TPTE: variants seen among roughly 807,000 people sequenced by gnomAD.
TPTE encodes putative tyrosine-protein phosphatase TPTE.
TPTE carries 59 observed loss-of-function variants against 84.1 expected under a neutral mutation model. The ratio of observed to expected loss-of-function variants is 0.70; its 90% CI spans 0.57 to 0.87. The LOEUF (loss-of-function observed/expected upper bound fraction) is 0.87, where lower values mean the gene tolerates loss of function less well. Among genes scored for constraint, TPTE ranks in the 40% least tolerant of loss-of-function variants. The probability of loss-of-function intolerance (pLI) is 0.00; values close to 1 mark genes in which losing one functional copy is unlikely to be tolerated. For missense variants in TPTE, 382 were observed against 659.6 expected, an observed-to-expected ratio of 0.58 and a Z score of 4.61; for synonymous variants, 130 against 223.5, an observed-to-expected ratio of 0.58 and a Z score of 3.73.
At chr21:10,586,691 T>A (rs2075372603) in intron 17 of TPTE, among the ~76,000 whole-genome samples, 1 of 152,304 alleles carries the variant, frequency 6.6e-6, no homozygotes, top group Non-Finnish European at 1.5e-5. Context: ...TTTTTCTATG[T>A]TTTTAGTAAT....
rs144623440 is a variant in TPTE, at chr21:10,605,547, G to A, written c.1651G>A (p.Asp551Asn). ...TTCCAGTGATGTTGTAGCTGGATCC[G>A]ATTAAGTATAGCTCCCCCTTCCCCT... Reference protein sequence around the residue: ...MTSSDVVAGSD With the variant: ...MTSSDVVAGSN Residue 551 changes from aspartate to asparagine, a missense_variant, in exon 24 of 24, where the codon GAT becomes AAT. Coordinates refer to ENST00000618007, the MANE Select transcript of TPTE (RefSeq NM_199261.4). 1,729 of 1,608,650 alleles carry A rather than the reference G, an allele frequency of 1.1e-3. No individual in the cohort carries two copies. The East Asian group carries it at 0.011, about 10-fold the overall frequency.
rs372849709 is a variant in TPTE at position 10,574,326 on chromosome 21, A to T, written c.796-3134A>T. Reference sequence around the variant, plus strand: ...CTGCAGTGTGTTAGCTCAGTTCTGAACAGGACAGGGCTGCAAGTTCAGCTA... The same window carrying T: ...CTGCAGTGTGTTAGCTCAGTTCTGATCAGGACAGGGCTGCAAGTTCAGCTA... On this transcript the variant is annotated intron_variant, in intron 14 of 23. Transcript: ENST00000618007. Among the ~76,000 whole-genome samples the T allele has an allele frequency of 1.2e-3, 189 of 151,910 alleles. No homozygotes were observed. The East Asian group carries it at 0.017, about 13-fold the overall frequency.
chr21:10,584,879 A>AGTGTGT (rs56198162), intron 17 of TPTE, among the ~76,000 whole-genome samples: 8,811 of 144,510 alleles, frequency 0.061, no homozygotes, highest in African/African-American at 0.088. Context: ...ATGCTTTACG[A>AGTGTGT]GTGTGTGTGT....
chr21:10,534,608 A>G (rs1015181894), intron 3 of TPTE, among the ~76,000 whole-genome samples: 4 of 152,310 alleles, frequency 2.6e-5, no homozygotes, highest in Non-Finnish European at 5.9e-5. Context: ...CTAAACCATG[A>G]TGGAGTCCTC....
intron 2 of TPTE, among the ~76,000 whole-genome samples, chr21:10,525,332 G>T (rs1331374798): frequency 6.6e-6 from 1 of 152,308 alleles, no homozygotes; most frequent in Non-Finnish European, 1.5e-5. Context: ...GTGTATGAGG[G>T]TGGCCTGTAG....
At chr21:10,603,858 CTG>C (rs1478192895) in intron 23 of TPTE, among the ~76,000 whole-genome samples, 3 of 152,310 alleles carry the variant, frequency 2.0e-5, no homozygotes, top group African/African-American at 4.8e-5. Flanking sequence ...TGCCATAGGA[CTG>C]TGTTACGAGT....
chr21:10,572,017 A>T (rs2075053477), intron 14 of TPTE, among the ~76,000 whole-genome samples: 1 of 152,296 alleles, frequency 6.6e-6, no homozygotes, highest in Admixed American at 6.5e-5. Flanking sequence ...AAAAAAAAAA[A>T]AAATACAATC....
chr21:10,564,893 C>A (rs557169516), intron 10 of TPTE, among the ~76,000 whole-genome samples: 1 of 152,310 alleles, frequency 6.6e-6, no homozygotes, highest in Non-Finnish European at 1.5e-5. Flanking sequence ...CAGTCATTAC[C>A]GTACTGAATG....
At chr21:10,551,133 G>T (rs531332430) in intron 7 of TPTE, among the ~76,000 whole-genome samples, 8 of 152,424 alleles carry the variant, frequency 5.2e-5, no homozygotes, top group African/African-American at 1.9e-4. Context: ...AGCTTCATCC[G>T]TGTCCCTACA....
chr21:10,541,640 T>G (rs1220220931), intron 5 of TPTE, among the ~76,000 whole-genome samples: 1 of 152,310 alleles, frequency 6.6e-6, no homozygotes, highest in African/African-American at 2.4e-5. Flanking sequence ...TTCCACATTT[T>G]TACATTGTTT....
rs563076776 is a variant in TPTE at position 10,542,462 on chromosome 21, A to G, written c.119+14A>G. 25 of 1,609,778 alleles carry G rather than the reference A, an allele frequency of 1.6e-5. No homozygotes were observed. The South Asian group carries it at 2.6e-4, about 17-fold the overall frequency. On this transcript the variant is annotated intron_variant, in intron 6 of 23. Transcript: ENST00000618007. ...TGCGAAAGAAAGGTGAGCAATAAATAGTTAAAGTCACCCGTCAGCATAAGT... is the reference window on the plus strand; with the variant it reads ...TGCGAAAGAAAGGTGAGCAATAAATGGTTAAAGTCACCCGTCAGCATAAGT...
At chr21:10,527,136 CTCT>C (rs2074093621) in intron 2 of TPTE, among the ~76,000 whole-genome samples, 3 of 123,016 alleles carry the variant, frequency 2.4e-5, no homozygotes, top group African/African-American at 1.2e-4. Flanking sequence ...TGTGTCCCCT[CTCT>C]CTCTCTCTCT....
intron 17 of TPTE, among the ~76,000 whole-genome samples, chr21:10,587,007 AGTT>A (rs1174128401): frequency 6.6e-6 from 1 of 152,300 alleles, no homozygotes; most frequent in Non-Finnish European, 1.5e-5. Context: ...GAAGTTTCCT[AGTT>A]GTTAATTTTT....
chr21:10,534,323 A>G (rs2074230777), intron 3 of TPTE, among the ~76,000 whole-genome samples: 1 of 152,310 alleles, frequency 6.6e-6, no homozygotes, highest in Non-Finnish European at 1.5e-5. Flanking sequence ...CCCTGTTTTC[A>G]TCAGCCAGCC....
intron 7 of TPTE, among the ~76,000 whole-genome samples, chr21:10,549,073 T>C (rs1217349876): frequency 3.9e-5 from 6 of 152,308 alleles, no homozygotes; most frequent in African/African-American, 7.2e-5. Flanking sequence ...CACTACAAAC[T>C]TCCTTAACCT....
chr21:10,567,264 A>G (rs1258220692), intron 10 of TPTE, among the ~76,000 whole-genome samples: 203 of 152,090 alleles, frequency 1.3e-3, no homozygotes, highest in African/African-American at 4.7e-3. Flanking sequence ...TGATAGCACA[A>G]CAGATTGACC....
At position 10,521,627 on chromosome 21, in the gene TPTE, G is replaced by C. The variant is rs1236673322; in HGVS notation, c.-278G>C. 6.7e-6 allele frequency: 1 copy of C among 149,738 alleles called. No homozygotes were observed. The highest frequency in any genetic ancestry group is 6.8e-5 in the Admixed American group (1 of 14,626). The allele number at this position is 149,738 out of a possible 1,614,324, so 9.3% of individuals were successfully genotyped here. Reference sequence around the variant, plus strand: ...CAGTTTCTGACCCAACAGTTACCCAGCGCCGGACTCGCTGCGCCCCGGCGG... The same window carrying C: ...CAGTTTCTGACCCAACAGTTACCCACCGCCGGACTCGCTGCGCCCCGGCGG... On this transcript the variant is annotated 5_prime_UTR_variant, in exon 1 of 24. Transcript: ENST00000618007.
At chr21:10,552,434 T>G (rs1188916028) in intron 7 of TPTE, among the ~76,000 whole-genome samples, 1 of 152,304 alleles carries the variant, frequency 6.6e-6, no homozygotes, top group African/African-American at 2.4e-5. Context: ...GAAAAGAAGA[T>G]AAAAATATGC....
chr21:10,592,728 C>T (rs1460218639), intron 19 of TPTE, among the ~76,000 whole-genome samples: 1 of 152,284 alleles, frequency 6.6e-6, no homozygotes, highest in Admixed American at 6.5e-5. Context: ...TAAAAAAGAT[C>T]CAAGTCTTTC....
Sources: gnomAD v4.1 joint callset for allele counts (sites outside exome capture counted in the v4.1 genomes callset) on GRCh38, gnomAD v4.1.1 for gene constraint, MANE v1.5 for transcripts, NCBI Gene and HGNC (gene_info 2026-07-23, HGNC 2026-07-21) for gene names.